The following MACROD2 variants were observed in gnomAD, a reference collection of about 807,000 sequenced individuals.
The protein encoded by MACROD2 is mono-ADP ribosylhydrolase 2.
In MACROD2, 36 loss-of-function variants were observed where a neutral mutation model predicts 70.4. That is an observed-to-expected ratio of 0.51 (90% CI 0.39 to 0.68). The LOEUF is 0.68. Among genes scored for constraint, MACROD2 ranks in the 30% least tolerant of loss-of-function variants. MACROD2 has a pLI of 0.00. For missense variants in MACROD2, 496 were observed against 538.4 expected (o/e 0.92, Z 0.78); for synonymous variants, 172 against 178.8 (o/e 0.96, Z 0.30).
At chr20:15,877,076 C>T (rs1264882550) in intron 9 of MACROD2, among the ~76,000 whole-genome samples, 1 of 152,074 alleles carries the variant, frequency 6.6e-6, no homozygotes, top group East Asian at 1.9e-4. Context: ...TCACATGACC[C>T]TTTAGAGCTC....
At chr20:14,688,150 C>T (rs1327148122) in intron 5 of MACROD2, among the ~76,000 whole-genome samples, 1 of 152,104 alleles carries the variant, frequency 6.6e-6, no homozygotes, top group Non-Finnish European at 1.5e-5. Context: ...AATTCCATGA[C>T]AGTTTGACAG....
chr20:15,941,313 T>C (rs930669111), intron 12 of MACROD2, among the ~76,000 whole-genome samples: 15 of 152,318 alleles, frequency 9.8e-5, no homozygotes, highest in South Asian at 2.1e-4. Flanking sequence ...CACACTAGTA[T>C]GCAAGCTTCT....
chr20:14,493,772 A>G (rs577754309), intron 4 of MACROD2: 42 of 293,344 alleles, frequency 1.4e-4, no homozygotes, highest in Non-Finnish European at 2.5e-4. Context: ...GCTATAAGCT[A>G]TATGAACACA....
chr20:14,126,548 G>C (rs1367923693), intron 3 of MACROD2, among the ~76,000 whole-genome samples: 2 of 152,246 alleles, frequency 1.3e-5, no homozygotes, highest in East Asian at 3.9e-4. Context: ...TTAAAGGTTT[G>C]TGGTAACCCT....
In MACROD2 at chr20:16,050,069, A is replaced by AC; in HGVS notation, c.*193_*194insC. On this transcript the variant is annotated 3_prime_UTR_variant, in exon 18 of 18. Coordinates refer to ENST00000684519, the MANE Select transcript of MACROD2 (RefSeq NM_001351661.2). Reference sequence around the variant, plus strand: ...AAAGAAAGAAAAAAAAGAAAAAAAAAGTTTCCTTTAATTTGGTGGAGGGAC... The same window carrying AC: ...AAAGAAAGAAAAAAAAGAAAAAAAAACGTTTCCTTTAATTTGGTGGAGGGAC... 2 of 532,604 alleles carry AC rather than the reference A, an allele frequency of 3.8e-6. No homozygotes were observed. The highest frequency in any genetic ancestry group is 3.5e-5 in the Admixed American group (1 of 28,260). 33.0% of individuals were successfully genotyped at this position (532,604 alleles called of 1,614,324 possible). A position where few individuals can be genotyped will look rare whatever the true frequency, so the allele number is the denominator to read the frequency against.
At chr20:14,323,618 T>G (rs2122558480) in intron 3 of MACROD2, 1 of 152,296 alleles carries the variant, frequency 6.6e-6, no homozygotes, top group South Asian at 2.1e-4. Flanking sequence ...TCTTGGTCTT[T>G]TCAATGATCA....
At chr20:14,448,323 G>A (rs1020587207) in intron 3 of MACROD2, among the ~76,000 whole-genome samples, 2 of 152,012 alleles carry the variant, frequency 1.3e-5, no homozygotes, top group African/African-American at 4.8e-5. Context: ...GAGATGTCAT[G>A]GAGCCTGCCA....
intron 8 of MACROD2, among the ~76,000 whole-genome samples, chr20:15,827,886 C>T (rs1600958171): frequency 6.6e-6 from 1 of 152,196 alleles, no homozygotes; most frequent in East Asian, 1.9e-4. Context: ...GAGTTGCTAG[C>T]CCAGAATGCA....
rs78906407 is a variant in MACROD2 at position 15,496,350 on chromosome 20, C to T, written c.572-3424C>T. 7.2e-3 allele frequency among the ~76,000 whole-genome samples: 1,092 copies of T among 152,266 alleles called. 13 individuals carry two copies. Among genetic ancestry groups the T allele is most frequent in the African/African-American group, 0.024 (1,007 of 41,556 alleles). On this transcript the variant is annotated intron_variant, in intron 7 of 17. Transcript: ENST00000684519. ...TGAGCGGGTCAATGGACTGGCTAAG[C>T]GCGGGGTGGGTCACTCTTGTGGATG...
At chr20:14,659,479 C>G (rs1348362893) in intron 4 of MACROD2, among the ~76,000 whole-genome samples, 2 of 152,174 alleles carry the variant, frequency 1.3e-5, no homozygotes, top group African/African-American at 4.8e-5. Context: ...CAGACAGTTG[C>G]TTGGTTCCTT....
At chr20:15,588,017 G>A (rs933497667) in intron 8 of MACROD2, among the ~76,000 whole-genome samples, 2 of 152,190 alleles carry the variant, frequency 1.3e-5, no homozygotes, top group African/African-American at 2.4e-5. Context: ...CTTCCACATT[G>A]CACTAGCAGA....
At chr20:15,795,917 C>A (rs190904643) in intron 8 of MACROD2, among the ~76,000 whole-genome samples, 5 of 152,174 alleles carry the variant, frequency 3.3e-5, no homozygotes, top group Admixed American at 6.5e-5. Context: ...ACTCATAATG[C>A]CACATTAGCA....
In MACROD2 at chr20:15,293,672, C is replaced by T. The variant is rs79197390; in HGVS notation, c.540+63611C>T. 2.1e-3 allele frequency among the ~76,000 whole-genome samples: 318 copies of T among 152,322 alleles called. 1 individual carries two copies. Among genetic ancestry groups the T allele is most frequent in the African/African-American group, 7.1e-3 (295 of 41,578 alleles). On this transcript the variant is annotated intron_variant, in intron 6 of 17. Transcript: ENST00000684519. ...GAATAGGGAGCAGGTATCCAGGGCC[C>T]TGTCTAAAGGACACCTTGTAGGCCC...
At chr20:14,480,331 C>A (rs1345998398) in intron 3 of MACROD2, among the ~76,000 whole-genome samples, 3 of 151,876 alleles carry the variant, frequency 2.0e-5, no homozygotes, top group African/African-American at 7.3e-5. Context: ...AGTAATTTGC[C>A]CAAAATTATA....
chr20:14,899,099 C>T (rs2073865244), intron 5 of MACROD2, among the ~76,000 whole-genome samples: 1 of 152,174 alleles, frequency 6.6e-6, no homozygotes, highest in Non-Finnish European at 1.5e-5. Context: ...GTGACAAAGG[C>T]AGAGTTGTTG....
intron 7 of MACROD2, among the ~76,000 whole-genome samples, chr20:15,437,751 ATT>A (rs1387794089): frequency 6.6e-6 from 1 of 152,060 alleles, no homozygotes; most frequent in Non-Finnish European, 1.5e-5. Context: ...AACATACACT[ATT>A]TGGTTTTCTT....
intron 5 of MACROD2, among the ~76,000 whole-genome samples, chr20:15,024,981 A>G (rs924730453): frequency 5.3e-5 from 8 of 152,176 alleles, no homozygotes; most frequent in Non-Finnish European, 7.4e-5. Context: ...ATTCTTTATC[A>G]AAAGAAGATT....
intron 9 of MACROD2, among the ~76,000 whole-genome samples, chr20:15,876,334 A>G (rs1259022120): frequency 6.6e-6 from 1 of 151,804 alleles, no homozygotes; most frequent in Non-Finnish European, 1.5e-5. Context: ...TCATTGTTCA[A>G]TTCCCACCTA....
intron 5 of MACROD2, among the ~76,000 whole-genome samples, chr20:15,046,062 T>C (rs2123039129): frequency 6.6e-6 from 1 of 152,260 alleles, no homozygotes; most frequent in South Asian, 2.1e-4. Context: ...AGGCTTCAGT[T>C]AATTACTTGA....
Sources: gnomAD v4.1 joint callset for allele counts (sites outside exome capture counted in the v4.1 genomes callset) on GRCh38, gnomAD v4.1.1 for gene constraint, MANE v1.5 for transcripts, NCBI Gene and HGNC (gene_info 2026-07-23, HGNC 2026-07-21) for gene names.